Variants in EYA2 observed in about 807,000 individuals in gnomAD.
EYA2 encodes the protein protein phosphatase EYA2.
EYA2 carries 31 observed loss-of-function variants against 69.2 expected under a neutral mutation model. The observed-to-expected ratio is 0.45, with a 90% CI of 0.34 to 0.60. EYA2 has a LOEUF of 0.60. EYA2 is among the 20% of genes least tolerant of loss of function. EYA2 has a pLI of 0.02. For missense variants in EYA2, 622 were observed against 701.2 expected (o/e 0.89, Z 1.28); for synonymous variants, 257 against 279.4 (o/e 0.92, Z 0.80).
chr20:47,101,554 C>G (rs2032423439), intron 9 of EYA2, among the ~76,000 whole-genome samples: 1 of 152,160 alleles, frequency 6.6e-6, no homozygotes, highest in Admixed American at 6.5e-5. Flanking sequence ...TATTCTATTA[C>G]TCTGAGAGGG....
chr20:46,950,394 C>A (rs1307829075), intron 1 of EYA2, among the ~76,000 whole-genome samples: 1 of 152,130 alleles, frequency 6.6e-6, no homozygotes, highest in Non-Finnish European at 1.5e-5. Context: ...TTGATGATGC[C>A]TGTGAGTTTG....
At chr20:47,011,806 T>A (rs1421381049) in intron 4 of EYA2, among the ~76,000 whole-genome samples, 1 of 152,220 alleles carries the variant, frequency 6.6e-6, no homozygotes, top group Non-Finnish European at 1.5e-5. Context: ...TGCTTCATTC[T>A]TCTTTTTAGC....
chr20:46,969,773 CT>C (rs1980028826), intron 1 of EYA2, among the ~76,000 whole-genome samples: 1 of 152,160 alleles, frequency 6.6e-6, no homozygotes, highest in Admixed American at 6.5e-5. Flanking sequence ...TTAGCAGGTT[CT>C]GGCTGGATGT....
intron 5 of EYA2, among the ~76,000 whole-genome samples, chr20:47,052,050 CT>C (rs1003353726): frequency 1.1e-4 from 16 of 152,256 alleles, no homozygotes; most frequent in African/African-American, 3.9e-4. Flanking sequence ...ACAGATACTC[CT>C]TTTTTTCCCC....
intron 10 of EYA2, among the ~76,000 whole-genome samples, chr20:47,152,165 C>T (rs558666479): frequency 2.6e-4 from 39 of 152,094 alleles, no homozygotes; most frequent in Middle Eastern, 3.4e-3. Flanking sequence ...CCATTTACTG[C>T]ATTTTCTTCT....
intron 1 of EYA2, among the ~76,000 whole-genome samples, chr20:46,923,854 G>A (rs1568668781): frequency 6.6e-6 from 1 of 152,222 alleles, no homozygotes. Context: ...TACTAAAACA[G>A]TATTTCTCAA....
chr20:47,004,729 C>A, intron 3 of EYA2: 1 of 652,256 alleles, frequency 1.5e-6, no homozygotes, highest in Non-Finnish European at 2.6e-6. Flanking sequence ...TGAACCCAGT[C>A]ACACGGCTGA....
intron 10 of EYA2, chr20:47,167,131 C>G (rs747227339): frequency 3.9e-5 from 6 of 154,754 alleles, no homozygotes. Flanking sequence ...GCCAGAAACC[C>G]AGCTCCACTC....
chr20:47,014,241 C>T (rs1411582387), intron 4 of EYA2, among the ~76,000 whole-genome samples: 1 of 152,156 alleles, frequency 6.6e-6, no homozygotes, highest in Non-Finnish European at 1.5e-5. Flanking sequence ...TCTAGGACTC[C>T]AGCCCAGATT....
rs564221469 is a variant in EYA2 at position 47,047,597 on chromosome 20, G to C, written c.416-24588G>C. The stretch of plus-strand genomic sequence containing the variant: ...AGACGGGGTTTCACCATGTTGGCCA[G>C]GCTGGTCTTGAACACCTGACCTCAG... On this transcript the variant is annotated intron_variant, in intron 5 of 15. Transcript: ENST00000327619. Among the ~76,000 whole-genome samples, 151 of 152,228 alleles carry C rather than the reference G, an allele frequency of 9.9e-4. 1 individual carries two copies. Among genetic ancestry groups the C allele is most frequent in the African/African-American group, 3.3e-3 (135 of 41,524 alleles).
intron 1 of EYA2, among the ~76,000 whole-genome samples, chr20:46,925,608 G>C (rs1366630960): frequency 6.6e-6 from 1 of 152,144 alleles, no homozygotes; most frequent in Non-Finnish European, 1.5e-5. Flanking sequence ...ACTTAAAAAA[G>C]AGATATGCAA....
In EYA2 at chr20:47,177,336, C is replaced by T. The variant is rs555918627; in HGVS notation, c.1199-2462C>T. Among the ~76,000 whole-genome samples, 6 of 151,484 alleles carry T rather than the reference C, an allele frequency of 4.0e-5. No individual in the cohort carries two copies. In the South Asian group the frequency reaches 1.3e-3, roughly 32 times the overall value. Reference sequence around the variant, plus strand: ...CTGTCTTGCCCAGGCTGGTCTCAAACCCCTGGCTCAAGCGATCCTCCCACC... The same window carrying T: ...CTGTCTTGCCCAGGCTGGTCTCAAATCCCTGGCTCAAGCGATCCTCCCACC... On this transcript the variant is annotated intron_variant, in intron 12 of 15. Transcript: ENST00000327619.
chr20:46,908,870 CT>C (rs56834738), intron 1 of EYA2, among the ~76,000 whole-genome samples: 162 of 47,568 alleles, frequency 3.4e-3, no homozygotes, highest in Admixed American at 4.6e-3. Context: ...CTCTCCCGCA[CT>C]TTTTTTTTTT....
chr20:47,152,020 G>A (rs534150492), intron 10 of EYA2, among the ~76,000 whole-genome samples: 22 of 152,036 alleles, frequency 1.4e-4, no homozygotes, highest in African/African-American at 3.1e-4. Flanking sequence ...GGTTAACGTC[G>A]TCCATACAAA....
intron 5 of EYA2, among the ~76,000 whole-genome samples, chr20:47,038,972 GC>G (rs1270127430): frequency 1.3e-5 from 2 of 152,240 alleles, no homozygotes; most frequent in East Asian, 3.9e-4. Flanking sequence ...GATGAACTTA[GC>G]CTTTTAGGGG....
chr20:47,187,629 C>T (rs6124969), intron 15 of EYA2, among the ~76,000 whole-genome samples: 38,524 of 152,032 alleles, frequency 0.25, 6,223 homozygotes, highest in Non-Finnish European at 0.36. Context: ...CTCCAATTCC[C>T]GGCCTCAAGC....
At chr20:47,178,808 G>A (rs918359012) in intron 12 of EYA2, among the ~76,000 whole-genome samples, 3 of 150,492 alleles carry the variant, frequency 2.0e-5, no homozygotes, top group South Asian at 2.1e-4. Context: ...TGGGTAGATG[G>A]GTGGATGGGT....
chr20:47,023,255 A>G (rs1321192753), intron 5 of EYA2, among the ~76,000 whole-genome samples: 1 of 152,228 alleles, frequency 6.6e-6, no homozygotes, highest in Non-Finnish European at 1.5e-5. Context: ...GTATGTTACT[A>G]TTACAAGAAT....
chr20:47,004,913 G>A (rs756067433), intron 3 of EYA2, 29 bp from the exon 4 acceptor site: 1 of 1,613,970 alleles, frequency 6.2e-7, no homozygotes, highest in African/African-American at 1.3e-5. Flanking sequence ...ACTGGGCCTG[G>A]AGATTTAATC....
Sources: gnomAD v4.1 joint callset for allele counts (sites outside exome capture counted in the v4.1 genomes callset) on GRCh38, gnomAD v4.1.1 for gene constraint, MANE v1.5 for transcripts, NCBI Gene and HGNC (gene_info 2026-07-23, HGNC 2026-07-21) for gene names.